The following TANGO6 variants were observed in gnomAD, a reference collection of about 807,000 sequenced individuals.
The protein encoded by TANGO6 is transport and golgi organization 6 homolog, also known as transport and Golgi organization protein 6 homolog.
TANGO6 carries 90 observed loss-of-function variants against 114.2 expected under a neutral mutation model. The observed-to-expected ratio is 0.79, with a 90% CI of 0.66 to 0.94. The LOEUF is 0.94. Among genes scored for constraint, TANGO6 ranks in the 40% least tolerant of loss-of-function variants. TANGO6 has a pLI of 0.00. For missense variants in TANGO6, 1,274 were observed against 1,315.3 expected (o/e 0.97, Z 0.49); for synonymous variants, 477 against 509.8 (o/e 0.94, Z 0.87).
intron 15 of TANGO6, among the ~76,000 whole-genome samples, chr16:69,006,682 CGGT>C (rs2152222793): frequency 6.6e-6 from 1 of 152,236 alleles, no homozygotes; most frequent in East Asian, 1.9e-4. Flanking sequence ...ACCTGGAAGG[CGGT>C]GGTTGCAGTG....
chr16:69,011,859 G>A (rs1455595559), intron 15 of TANGO6, among the ~76,000 whole-genome samples: 1 of 152,204 alleles, frequency 6.6e-6, no homozygotes, highest in Non-Finnish European at 1.5e-5. Flanking sequence ...GAGTACCATT[G>A]AAAAGCTTAA....
chr16:68,966,821 G>T (rs565123124), intron 14 of TANGO6, among the ~76,000 whole-genome samples: 8 of 150,266 alleles, frequency 5.3e-5, no homozygotes, highest in Non-Finnish European at 1.0e-4. Context: ...ACTCAGGCTG[G>T]AGTGCAGTGG....
intron 14 of TANGO6, among the ~76,000 whole-genome samples, chr16:68,971,706 A>T (rs554521558): frequency 1.4e-5 from 2 of 148,144 alleles, no homozygotes; most frequent in South Asian, 4.3e-4. Context: ...ATCTCGGCTC[A>T]CTGCAGCCTC....
At chr16:69,016,143 T>C (rs1358992058) in intron 15 of TANGO6, among the ~76,000 whole-genome samples, 1 of 152,232 alleles carries the variant, frequency 6.6e-6, no homozygotes, top group Non-Finnish European at 1.5e-5. Flanking sequence ...GTAGGCTTCA[T>C]GAAGATGGGA....
chr16:69,059,118 A>T (rs1050991172), intron 17 of TANGO6, among the ~76,000 whole-genome samples: 1 of 148,180 alleles, frequency 6.7e-6, no homozygotes, highest in Non-Finnish European at 1.5e-5. Context: ...TCTGTTGCCC[A>T]GGCTGGAGTG....
intron 15 of TANGO6, among the ~76,000 whole-genome samples, chr16:68,989,413 A>C (rs1196977012): frequency 6.6e-6 from 1 of 151,954 alleles, no homozygotes; most frequent in Non-Finnish European, 1.5e-5. Flanking sequence ...TAACTCATCC[A>C]GTGAATATTT....
chr16:68,863,617 A>G (rs1280872066), intron 3 of TANGO6, among the ~76,000 whole-genome samples: 2 of 152,198 alleles, frequency 1.3e-5, no homozygotes, highest in Non-Finnish European at 2.9e-5. Context: ...TCTCAAAAAA[A>G]AGACTTATGG....
chr16:69,007,565 T>G (rs552847208), intron 15 of TANGO6, among the ~76,000 whole-genome samples: 1 of 152,116 alleles, frequency 6.6e-6, no homozygotes, highest in Non-Finnish European at 1.5e-5. Context: ...GTGCCCGGCC[T>G]GGATATGCCA....
chr16:69,055,708 C>T (rs924788445), intron 17 of TANGO6, among the ~76,000 whole-genome samples: 2 of 152,182 alleles, frequency 1.3e-5, no homozygotes, highest in Non-Finnish European at 2.9e-5. Context: ...AGTAACTTGG[C>T]CAAATCCACG....
At chr16:69,076,986 G>A (rs1230005416) in intron 17 of TANGO6, among the ~76,000 whole-genome samples, 2 of 151,976 alleles carry the variant, frequency 1.3e-5, no homozygotes, top group East Asian at 1.9e-4. Flanking sequence ...GACAGAGCAC[G>A]ACTCTGTCTC....
chr16:68,953,481 G>A (rs910627898), intron 14 of TANGO6, among the ~76,000 whole-genome samples: 16 of 152,134 alleles, frequency 1.1e-4, no homozygotes, highest in African/African-American at 3.4e-4. Context: ...GTTTACAGTT[G>A]GAGAAGAGCA....
At chr16:68,929,791 A>G (rs1963216953) in intron 13 of TANGO6, among the ~76,000 whole-genome samples, 1 of 152,234 alleles carries the variant, frequency 6.6e-6, no homozygotes, top group Non-Finnish European at 1.5e-5. Flanking sequence ...AGTTATCTCA[A>G]TAATAACATC....
chr16:68,882,539 T>C (rs564627949), intron 7 of TANGO6, among the ~76,000 whole-genome samples: 1 of 151,950 alleles, frequency 6.6e-6, no homozygotes, highest in Admixed American at 6.6e-5. Flanking sequence ...AACCTGTATG[T>C]GAATTTAGTA....
At chr16:68,978,159 A>G (rs1185355277) in intron 15 of TANGO6, among the ~76,000 whole-genome samples, 1 of 152,210 alleles carries the variant, frequency 6.6e-6, no homozygotes, top group Non-Finnish European at 1.5e-5. Context: ...GCTGAGAAGA[A>G]TATAAACCAT....
At position 69,063,808 on chromosome 16, in the gene TANGO6, C is replaced by CTTCTTCTTATTA. The variant is rs56983779; in HGVS notation, c.3109-19675_3109-19674insCTTCTTATTATT. Among the ~76,000 whole-genome samples, 992 of 125,546 alleles carry CTTCTTCTTATTA rather than the reference C, an allele frequency of 7.9e-3. 5 individuals carry two copies. The highest frequency in any genetic ancestry group is 0.012 in the Middle Eastern group (3 of 258). The allele number at this position is 125,546 out of a possible 152,430, so 82.4% of individuals were successfully genotyped here. A position where few individuals can be genotyped will look rare whatever the true frequency, so the allele number is the denominator to read the frequency against. On this transcript the variant is annotated intron_variant, in intron 17 of 17. Transcript: ENST00000261778. ...TCTTCTTCTTCTTCTTCTTCTTCTT[C>CTTCTTCTTATTA]TTATTATTATTATTATTATTATTAT...
chr16:69,010,851 A>C (rs1964136592), intron 15 of TANGO6, among the ~76,000 whole-genome samples: 1 of 152,226 alleles, frequency 6.6e-6, no homozygotes, highest in African/African-American at 2.4e-5. Context: ...ATGGAAAGAT[A>C]TTTCTTAAAC....
At chr16:68,961,562 T>G (rs1329823752) in intron 14 of TANGO6, among the ~76,000 whole-genome samples, 1 of 152,260 alleles carries the variant, frequency 6.6e-6, no homozygotes, top group Admixed American at 6.5e-5. Context: ...TGTGTTTGTA[T>G]TTATTAATAA....
intron 15 of TANGO6, among the ~76,000 whole-genome samples, chr16:68,980,716 T>C (rs1298408475): frequency 6.6e-6 from 1 of 151,842 alleles, no homozygotes; most frequent in African/African-American, 2.4e-5. Flanking sequence ...TAGAAAATAT[T>C]GTGGAAGGAG....
chr16:69,025,904 C>A, intron 16 of TANGO6: 2 of 234,514 alleles, frequency 8.5e-6, no homozygotes, highest in South Asian at 1.5e-4. Context: ...CTTTCAGTGT[C>A]ATCCAAATCT....
Sources: gnomAD v4.1 joint callset for allele counts (sites outside exome capture counted in the v4.1 genomes callset) on GRCh38, gnomAD v4.1.1 for gene constraint, MANE v1.5 for transcripts, NCBI Gene and HGNC (gene_info 2026-07-23, HGNC 2026-07-21) for gene names.